The following ETS1 variants were observed in gnomAD, a reference collection of about 807,000 sequenced individuals.
ETS1 encodes the protein ETS proto-oncogene 1, transcription factor.
Under a neutral mutation model 58.6 loss-of-function variants are expected in ETS1, and 15 were observed. The ratio of observed to expected loss-of-function variants is 0.26; its 90% CI spans 0.17 to 0.39. ETS1 has a LOEUF of 0.39. Among genes scored for constraint, ETS1 ranks in the 10% least tolerant of loss-of-function variants. The probability of loss-of-function intolerance (pLI) is 1.00; values close to 1 mark genes in which losing one functional copy is unlikely to be tolerated. For synonymous variants in ETS1, 214 were observed against 218.2 expected, an observed-to-expected ratio of 0.98 and a Z score of 0.17; for missense variants, 417 against 610.5, an observed-to-expected ratio of 0.68 and a Z score of 3.34.
chr11:128,548,292 C>T (rs757874172), intron 3 of ETS1, among the ~76,000 whole-genome samples: 16 of 151,548 alleles, frequency 1.1e-4, no homozygotes, highest in Non-Finnish European at 1.9e-4. Context: ...GCCTTCTCCA[C>T]GCCATGCCTG....
At chr11:128,510,897 C>T (rs1259989433) in intron 3 of ETS1, among the ~76,000 whole-genome samples, 2 of 152,306 alleles carry the variant, frequency 1.3e-5, no homozygotes, top group South Asian at 4.1e-4. Context: ...AAAATAAGGT[C>T]CGGCCAGAGG....
intron 3 of ETS1, among the ~76,000 whole-genome samples, chr11:128,519,511 A>C (rs982745034): frequency 1.3e-5 from 2 of 152,232 alleles, no homozygotes; most frequent in African/African-American, 4.8e-5. Flanking sequence ...TGAGAAGTTA[A>C]ACTTTAAACA....
chr11:128,530,861 C>G (rs1400098893), intron 3 of ETS1, among the ~76,000 whole-genome samples: 1 of 152,130 alleles, frequency 6.6e-6, no homozygotes, highest in African/African-American at 2.4e-5. Context: ...TGAGAGAGAC[C>G]AGATGGCTGG....
chr11:128,559,360 G>C (rs1864368105), intron 2 of ETS1, among the ~76,000 whole-genome samples: 1 of 152,206 alleles, frequency 6.6e-6, no homozygotes, highest in South Asian at 2.1e-4. Context: ...GTGATAACAG[G>C]GTAGCCATAT....
chr11:128,475,741 C>T (rs375304242), intron 8 of ETS1, among the ~76,000 whole-genome samples: 3 of 151,962 alleles, frequency 2.0e-5, no homozygotes, highest in Admixed American at 6.6e-5. Context: ...TTAGTAGAGA[C>T]GGGGTTTCAC....
intron 9 of ETS1, 47 bp from the exon 10 acceptor site, chr11:128,462,623 A>C (rs1861932478): frequency 7.0e-7 from 1 of 1,429,966 alleles, no homozygotes; most frequent in South Asian, 1.2e-5. Flanking sequence ...AAAAATCTAC[A>C]AGACAGGCCA....
chr11:128,558,183 A>G (rs550166703), intron 2 of ETS1, among the ~76,000 whole-genome samples: 77 of 152,324 alleles, frequency 5.1e-4, no homozygotes, highest in African/African-American at 1.7e-3. Flanking sequence ...ACTCAGTGGA[A>G]ATGTCACCAG....
At chr11:128,527,009 G>A (rs1388192112) in intron 3 of ETS1, 2 of 454,680 alleles carry the variant, frequency 4.4e-6, no homozygotes, top group Admixed American at 4.7e-5. Flanking sequence ...GCATCTCCTT[G>A]CATTTACTTT....
At chr11:128,582,129 G>GA (rs1258025425) in intron 1 of ETS1, among the ~76,000 whole-genome samples, 2 of 152,136 alleles carry the variant, frequency 1.3e-5, no homozygotes, top group South Asian at 2.1e-4. Context: ...TTTGGAGTTG[G>GA]AAAAAATTCA....
Position 128,489,469 on chromosome 11 carries a change from G to T in ETS1, c.356C>A (p.Thr119Asn). Reference sequence around the variant, plus strand: ...CCACATCACCCAGTCCCGAACATGGGTTTCTGTCCACTGCCGGGGGTCTGA... The same window carrying T: ...CCACATCACCCAGTCCCGAACATGGTTTTCTGTCCACTGCCGGGGGTCTGA... ...IPKDPRQWTE[T>N]HVRDWVMWAV... Residue 119 changes from threonine to asparagine, a missense_variant, in exon 5 of 10, where the codon ACC becomes AAC. By Grantham distance (65) the Thr-to-Asn change is moderately conservative. Around this residue, in one of 4 missense-constraint regions of ETS1, gnomAD observed 132 missense variants for 212.1 expected, o/e 0.62. Coordinates refer to ENST00000392668, the MANE Select transcript of ETS1 (RefSeq NM_001143820.2). 1 of 1,613,972 alleles carries T rather than the reference G, an allele frequency of 6.2e-7. No homozygotes were observed. Among genetic ancestry groups the T allele is most frequent in the African/African-American group, 1.3e-5 (1 of 75,026 alleles).
rs748164133 is a variant in ETS1, at chr11:128,480,370, T to G, written c.944A>C (p.Gln315Pro). 1 of 1,614,038 alleles carries G rather than the reference T, an allele frequency of 6.2e-7. No homozygotes were observed. Among genetic ancestry groups the G allele is most frequent in the East Asian group, 2.2e-5 (1 of 44,872 alleles). ...ACGCTGCAGGCTGTTGAAAGATGAC[T>G]GGCTGCTCCAGGACTGGGTGAGGCG... ...CDRLTQSWSSQSSFNSLQRVP... is the reference protein window; with the variant it reads ...CDRLTQSWSSPSSFNSLQRVP... Residue 315 changes from glutamine (Q) to proline (P), a missense_variant, in exon 8 of 10, where the codon CAG becomes CCG. Gln to Pro is a moderately conservative substitution (Grantham distance 76). Coordinates refer to ENST00000392668, the MANE Select transcript of ETS1 (RefSeq NM_001143820.2).
At chr11:128,570,614 T>G (rs1240091521) in intron 2 of ETS1, among the ~76,000 whole-genome samples, 1 of 152,234 alleles carries the variant, frequency 6.6e-6, no homozygotes, top group African/African-American at 2.4e-5. Flanking sequence ...AGAATTAACA[T>G]GGACTGGCTT....
chr11:128,481,312 G>C (rs1187657209), intron 7 of ETS1, among the ~76,000 whole-genome samples: 1 of 151,844 alleles, frequency 6.6e-6, no homozygotes, highest in African/African-American at 2.4e-5. Flanking sequence ...CTGACCACAA[G>C]ATCATGCAAG....
At chr11:128,534,202 T>G (rs1028472316) in intron 3 of ETS1, among the ~76,000 whole-genome samples, 1 of 152,228 alleles carries the variant, frequency 6.6e-6, no homozygotes, top group African/African-American at 2.4e-5. Flanking sequence ...AGCTTAACTT[T>G]TCAAACTAGT....
At chr11:128,574,795 T>A (rs1044266639) in intron 1 of ETS1, among the ~76,000 whole-genome samples, 1 of 152,192 alleles carries the variant, frequency 6.6e-6, no homozygotes, top group African/African-American at 2.4e-5. Flanking sequence ...AAACCATATA[T>A]CCCACTTCAA....
At chr11:128,496,457 T>A (rs1295255528) in intron 3 of ETS1, among the ~76,000 whole-genome samples, 1 of 152,126 alleles carries the variant, frequency 6.6e-6, no homozygotes, top group African/African-American at 2.4e-5. Flanking sequence ...AAGGGCAGTG[T>A]GAAAGGTAAT....
chr11:128,558,683 A>C (rs537830821), intron 2 of ETS1, among the ~76,000 whole-genome samples: 1 of 147,236 alleles, frequency 6.8e-6, no homozygotes, highest in Non-Finnish European at 1.5e-5. Context: ...AAAAAAAAAA[A>C]AGAGAGAGAG....
At chr11:128,496,603 TG>T (rs1176952325) in intron 3 of ETS1, among the ~76,000 whole-genome samples, 4 of 151,962 alleles carry the variant, frequency 2.6e-5, no homozygotes, top group Admixed American at 1.3e-4. Flanking sequence ...CCCTGGAGGG[TG>T]GTCACTGGTC....
chr11:128,579,800 G>C (rs906159988), intron 1 of ETS1, among the ~76,000 whole-genome samples: 1 of 152,114 alleles, frequency 6.6e-6, no homozygotes, highest in Non-Finnish European at 1.5e-5. Context: ...AATGTATAGA[G>C]TTTTAATTTC....
Sources: allele counts gnomAD v4.1 joint callset (sites outside exome capture counted in the v4.1 genomes callset), GRCh38; gene constraint gnomAD v4.1.1; regional missense constraint gnomAD v4.1.1; transcripts MANE v1.5; gene names NCBI Gene and HGNC (gene_info 2026-07-23, HGNC 2026-07-21).